GALK2: variants seen among roughly 807,000 people sequenced by gnomAD.
The protein encoded by GALK2 is N-acetylgalactosamine kinase.
In GALK2, 36 loss-of-function variants were observed where a neutral mutation model predicts 52.4. The ratio of observed to expected loss-of-function variants is 0.69; its 90% CI spans 0.53 to 0.91. The LOEUF is 0.91. GALK2 is among the 40% of genes least tolerant of loss of function. The pLI, the probability that GALK2 is intolerant of heterozygous loss-of-function variation, is 0.00. For synonymous variants in GALK2, 176 were observed against 199.1 expected (o/e 0.88, Z 0.98); for missense variants, 579 against 559.1 (o/e 1.04, Z -0.36).
At chr15:49,355,911 C>G (rs973403952) in intron 3 of GALK2, among the ~76,000 whole-genome samples, 10 of 151,884 alleles carry the variant, frequency 6.6e-5, no homozygotes, top group Non-Finnish European at 1.2e-4. Context: ...ACCCTACAAG[C>G]CAGAAGAGAG....
chr15:49,253,951 A>T (rs1410783151), intron 5 of GALK2, among the ~76,000 whole-genome samples: 1 of 144,144 alleles, frequency 6.9e-6, no homozygotes, highest in Admixed American at 7.0e-5. Context: ...TGGGTCAGCC[A>T]CTGGTATTGA....
intron 1 of GALK2, among the ~76,000 whole-genome samples, chr15:49,199,842 G>T (rs1246740426): frequency 6.6e-6 from 1 of 152,178 alleles, no homozygotes. Flanking sequence ...TTATAATGGT[G>T]TCTTTGGAGC....
At chr15:49,342,254 T>C (rs1045275560) in intron 3 of GALK2, among the ~76,000 whole-genome samples, 1 of 152,244 alleles carries the variant, frequency 6.6e-6, no homozygotes, top group Non-Finnish European at 1.5e-5. Flanking sequence ...AGTTTCCTGG[T>C]TGAATTGAAC....
chr15:49,326,003 GAA>G (rs780873867), intron 9 of GALK2, among the ~76,000 whole-genome samples: 1 of 152,140 alleles, frequency 6.6e-6, no homozygotes. Flanking sequence ...GTTCAAATGA[GAA>G]AGTATAATAA....
At chr15:49,199,237 A>G (rs938732917) in intron 1 of GALK2, 2 of 152,038 alleles carry the variant, frequency 1.3e-5, no homozygotes, top group African/African-American at 4.8e-5. Flanking sequence ...GTAGTTCACT[A>G]ATGTTTTGTA....
At chr15:49,288,481 C>A (rs989552712) in intron 7 of GALK2, among the ~76,000 whole-genome samples, 5 of 152,158 alleles carry the variant, frequency 3.3e-5, no homozygotes, top group African/African-American at 1.2e-4. Flanking sequence ...GAAACTTATT[C>A]TTTGTCTGGT....
intron 5 of GALK2, among the ~76,000 whole-genome samples, chr15:49,266,234 C>T (rs778294797): frequency 6.6e-6 from 1 of 152,040 alleles, no homozygotes; most frequent in Non-Finnish European, 1.5e-5. Flanking sequence ...CTCCAATGTA[C>T]AAGTGCTTTT....
intron 2 of GALK2, among the ~76,000 whole-genome samples, chr15:49,207,363 G>A (rs1417154571): frequency 3.3e-5 from 5 of 152,114 alleles, no homozygotes; most frequent in African/African-American, 7.2e-5. Context: ...AAATGAATTC[G>A]TAAAATGAAT....
At position 49,329,806 on chromosome 15, in the gene GALK2, T is replaced by TAAA. The variant is rs558009170; in HGVS notation, c.*1662_*1664dup. ...TTCTTTAAAGATACCTGGATCAGTG[T>TAAA]AAAAAAAAAAAAAAAAAGGCACCTG... On this transcript the variant is annotated 3_prime_UTR_variant, in exon 10 of 10. Transcript: ENST00000560031. 3.5e-4 allele frequency: 258 copies of TAAA among 729,554 alleles called. 1 individual carries two copies. In the African/African-American group the frequency reaches 3.9e-3, roughly 11 times the overall value. The allele number at this position is 729,554 out of a possible 1,614,324, so 45.2% of individuals were successfully genotyped here. A position where few individuals can be genotyped will look rare whatever the true frequency, so the allele number is the denominator to read the frequency against.
chr15:49,282,838 A>T (rs1334401085), intron 6 of GALK2, among the ~76,000 whole-genome samples: 1 of 152,232 alleles, frequency 6.6e-6, no homozygotes, highest in African/African-American at 2.4e-5. Flanking sequence ...GACATGAGGC[A>T]TGAGGAAATT....
chr15:49,278,911 C>G (rs2032292686), intron 5 of GALK2, among the ~76,000 whole-genome samples: 1 of 152,220 alleles, frequency 6.6e-6, no homozygotes, highest in Non-Finnish European at 1.5e-5. Context: ...ACAATCATGG[C>G]AGAAGGCAAA....
chr15:49,260,123 A>G (rs1411298151), intron 5 of GALK2, among the ~76,000 whole-genome samples: 1 of 152,086 alleles, frequency 6.6e-6, no homozygotes, highest in African/African-American at 2.4e-5. Flanking sequence ...GTGAAATGGT[A>G]TTTCTAGTTC....
chr15:49,319,753 G>A lies in GALK2; in HGVS notation c.1117G>A (p.Asp373Asn). ...GAACCAGAGCCACATGAGCTGCCGG[G>A]ACATGTATGAGTGCAGCTGCCCCGA... ...LMNQSHMSCR[D>N]MYECSCPELD... Residue 373 changes from aspartate (D) to asparagine (N), a missense_variant, in exon 9 of 10, where the codon GAC (aspartate) becomes AAC (asparagine). Asp to Asn is a conservative substitution (Grantham distance 23). Coordinates refer to ENST00000560031, the MANE Select transcript of GALK2 (RefSeq NM_002044.4). The A allele has an allele frequency of 1.9e-6, 3 of 1,614,150 alleles. No homozygotes were observed. The highest frequency in any genetic ancestry group is 1.1e-5 in the South Asian group (1 of 91,078).
At chr15:49,209,399 G>A (rs2088613382) in intron 2 of GALK2, among the ~76,000 whole-genome samples, 1 of 152,100 alleles carries the variant, frequency 6.6e-6, no homozygotes. Context: ...GGGTATGCTT[G>A]TCTTGTTCTA....
downstream of GALK2, among the ~76,000 whole-genome samples, chr15:49,335,757 T>C (rs567515123): frequency 7.2e-5 from 11 of 152,368 alleles, no homozygotes; most frequent in Middle Eastern, 3.4e-3. Context: ...ATCCTGTAAT[T>C]ACCTTTTGTA....
At chr15:49,308,350 C>T (rs917412792) in intron 8 of GALK2, among the ~76,000 whole-genome samples, 2 of 152,276 alleles carry the variant, frequency 1.3e-5, no homozygotes, top group East Asian at 1.9e-4. Context: ...CCAGCTACAG[C>T]CACAACTACT....
intron 8 of GALK2, among the ~76,000 whole-genome samples, chr15:49,299,309 CAATCTT>C (rs2141853819): frequency 6.6e-6 from 1 of 152,112 alleles, no homozygotes; most frequent in South Asian, 2.1e-4. Flanking sequence ...AGCAGTCTGT[CAATCTT>C]ATTTATTCAT....
chr15:49,254,501 C>A (rs534932883), intron 5 of GALK2, among the ~76,000 whole-genome samples: 2 of 143,988 alleles, frequency 1.4e-5, no homozygotes, highest in African/African-American at 5.0e-5. Flanking sequence ...AATGAAAGTG[C>A]TCCTTTTTAT....
intron 3 of GALK2, among the ~76,000 whole-genome samples, chr15:49,354,333 AC>A (rs1385073539): frequency 1.3e-5 from 2 of 152,120 alleles, no homozygotes; most frequent in African/African-American, 4.8e-5. Context: ...CATCTGAGGT[AC>A]CGGGTTCATC....
Sources: gnomAD v4.1 joint callset for allele counts (sites outside exome capture counted in the v4.1 genomes callset) on GRCh38, gnomAD v4.1.1 for gene constraint, MANE v1.5 for transcripts, NCBI Gene and HGNC (gene_info 2026-07-23, HGNC 2026-07-21) for gene names.